DGKG: variants seen among roughly 807,000 people sequenced by gnomAD.
The protein encoded by DGKG is DAG kinase gamma.
A neutral mutation model predicts 105.3 loss-of-function variants in DGKG; 78 were observed. That is an observed-to-expected ratio of 0.74 (90% CI 0.62 to 0.89). The LOEUF is 0.89. DGKG is among the 40% of genes least tolerant of loss of function. The probability of loss-of-function intolerance (pLI) is 0.00; values close to 1 mark genes in which losing one functional copy is unlikely to be tolerated. For missense variants in DGKG, 958 were observed against 1,020.1 expected (o/e 0.94, Z 0.83); for synonymous variants, 346 against 367.1 (o/e 0.94, Z 0.66).
rs551816639 is a variant in DGKG, at chr3:186,313,943, T to C, written c.67+6450A>G. Among the ~76,000 whole-genome samples, 104 of 152,300 alleles carry C rather than the reference T, an allele frequency of 6.8e-4. No individual in the cohort carries two copies. In the Middle Eastern group the frequency reaches 0.01, roughly 15 times the overall value. On this transcript the variant is annotated intron_variant, in intron 2 of 24. Coordinates refer to ENST00000265022, the MANE Select transcript of DGKG (RefSeq NM_001346.3). ...CTGGCCAGCATAAATAGCAAGGTTT[T>C]AGTGACATTTACTTAGAGCCTTCTA...
At chr3:186,312,193 T>C (rs1242975277) in intron 2 of DGKG, among the ~76,000 whole-genome samples, 10 of 134,316 alleles carry the variant, frequency 7.4e-5, no homozygotes, top group South Asian at 2.4e-4. Context: ...ACCATTAAAC[T>C]GTTAAACTCC....
rs111463256 is a variant in DGKG at position 186,255,659 on chromosome 3, C to T, written c.1510+2195G>A. ...GCTGGAAGGGTGCGCAGCAGCTGGACCACCCAGGGCCCTGTAGATTACTTC... is the reference window on the plus strand; with the variant it reads ...GCTGGAAGGGTGCGCAGCAGCTGGATCACCCAGGGCCCTGTAGATTACTTC... On this transcript the variant is annotated intron_variant, in intron 17 of 24. Transcript: ENST00000265022. Among the ~76,000 whole-genome samples, 1,102 of 152,312 alleles carry T rather than the reference C, an allele frequency of 7.2e-3. 10 individuals carry two copies. Among genetic ancestry groups the T allele is most frequent in the African/African-American group, 0.024 (985 of 41,556 alleles).
intron 19 of DGKG, 122 bp from the exon 20 acceptor site, chr3:186,242,690 G>A (rs978465903): frequency 1.8e-5 from 14 of 769,432 alleles, no homozygotes; most frequent in Non-Finnish European, 2.9e-5. Flanking sequence ...TCTATCGCAT[G>A]GTGGGGCTCC....
chr3:186,189,497 TA>T (rs1220838725), intron 21 of DGKG, among the ~76,000 whole-genome samples: 1 of 152,188 alleles, frequency 6.6e-6, no homozygotes, highest in East Asian at 1.9e-4. Flanking sequence ...GCACAGCTAA[TA>T]AATAACAGAG....
chr3:186,278,615 G>T (rs1722693176), intron 9 of DGKG, among the ~76,000 whole-genome samples: 2 of 152,188 alleles, frequency 1.3e-5, no homozygotes, highest in Non-Finnish European at 2.9e-5. Flanking sequence ...GTAGATCCTG[G>T]TTCCTTGATT....
intron 1 of DGKG, among the ~76,000 whole-genome samples, chr3:186,353,334 C>T (rs1443770471): frequency 6.6e-6 from 1 of 152,016 alleles, no homozygotes; most frequent in South Asian, 2.1e-4. Context: ...CCAGCCTGAA[C>T]ATGGTGAAAC....
Position 186,253,199 on chromosome 3 carries a change from G to A in DGKG, c.1511-17C>T, listed in dbSNP as rs1721307614. ...TGGCCTTATCTGCAAGACACACAGA[G>A]GAACAGAGAACCATATGCCATGGGA... On this transcript the variant is annotated splice_polypyrimidine_tract_variant and intron_variant, in intron 17 of 24. Transcript: ENST00000265022. 1 of 1,604,470 alleles carries A rather than the reference G, an allele frequency of 6.2e-7. No individual in the cohort carries two copies. Among genetic ancestry groups the A allele is most frequent in the South Asian group, 1.1e-5 (1 of 90,900 alleles).
chr3:186,177,209 C>T (rs189915389), intron 22 of DGKG, among the ~76,000 whole-genome samples: 76 of 152,252 alleles, frequency 5.0e-4, no homozygotes, highest in African/African-American at 1.7e-3. Flanking sequence ...CTATTGCTCC[C>T]GGCTGAAAAA....
intron 1 of DGKG, among the ~76,000 whole-genome samples, chr3:186,327,396 T>C (rs1481346031): frequency 6.6e-6 from 1 of 150,912 alleles, no homozygotes; most frequent in Admixed American, 6.6e-5. Context: ...TCTTCTTTTT[T>C]TTTTTTTTGA....
intron 10 of DGKG, among the ~76,000 whole-genome samples, chr3:186,274,400 T>C (rs1722478165): frequency 6.6e-6 from 1 of 152,060 alleles, no homozygotes; most frequent in Non-Finnish European, 1.5e-5. Context: ...TTTTATTTTT[T>C]ATTATACATT....
chr3:186,323,693 T>C (rs1381760159), intron 1 of DGKG, among the ~76,000 whole-genome samples: 1 of 151,784 alleles, frequency 6.6e-6, no homozygotes, highest in African/African-American at 2.4e-5. Context: ...TCCCACCACT[T>C]TGGGAGGCCG....
At chr3:186,313,058 C>A (rs1486805896) in intron 2 of DGKG, among the ~76,000 whole-genome samples, 1 of 152,262 alleles carries the variant, frequency 6.6e-6, no homozygotes, top group African/African-American at 2.4e-5. Context: ...ACTTGTCCCA[C>A]ATGTCCTATA....
rs1255220475 is a variant in DGKG, at chr3:186,320,653, T to G, written c.-194A>C. On this transcript the variant is annotated 5_prime_UTR_variant, in exon 2 of 25. Transcript: ENST00000265022. ...GATGAGACAAGATCTCTGCTATTCC[T>G]TAGGCAACATCCTCCTGTCTGTATT... is the stretch of plus-strand genomic sequence containing the variant. The G allele has an allele frequency of 2.6e-6, 2 of 758,566 alleles. No individual in the cohort carries two copies. The highest frequency in any genetic ancestry group is 3.9e-6 in the Non-Finnish European group (2 of 512,052). The allele number at this position is 758,566 out of a possible 1,614,324, so 47.0% of individuals were successfully genotyped here.
At chr3:186,150,938 A>C (rs1715731550) in intron 24 of DGKG, among the ~76,000 whole-genome samples, 1 of 152,184 alleles carries the variant, frequency 6.6e-6, no homozygotes, top group South Asian at 2.1e-4. Flanking sequence ...TGGCCTTGCC[A>C]CCTTAATAAT....
At chr3:186,288,937 C>G (rs1723193221) in intron 5 of DGKG, 57 bp from the exon 6 acceptor site, 1 of 1,467,748 alleles carries the variant, frequency 6.8e-7, no homozygotes, top group Non-Finnish European at 9.1e-7. Flanking sequence ...AAATATTAAC[C>G]CCTCTTTGTT....
chr3:186,353,561 GTA>G (rs1218100064), intron 1 of DGKG, among the ~76,000 whole-genome samples: 4 of 107,946 alleles, frequency 3.7e-5, no homozygotes, highest in African/African-American at 1.9e-4. Flanking sequence ...ATACTTTTAT[GTA>G]TGTATATATA....
chr3:186,238,409 T>C (rs1402039065), intron 20 of DGKG, among the ~76,000 whole-genome samples: 1 of 152,134 alleles, frequency 6.6e-6, no homozygotes, highest in Non-Finnish European at 1.5e-5. Flanking sequence ...TACGACTTCC[T>C]GTATACTATA....
chr3:186,204,314 G>A (rs1718617999), intron 21 of DGKG, among the ~76,000 whole-genome samples: 1 of 152,170 alleles, frequency 6.6e-6, no homozygotes, highest in Admixed American at 6.5e-5. Context: ...GCTGAAGTAG[G>A]AGAGTCACTT....
rs1160903513 is a variant in DGKG, at chr3:186,353,590, TACAC to T, written c.-249+8352_-249+8355del. On this transcript the variant is annotated intron_variant, in intron 1 of 24. Coordinates refer to ENST00000265022, the MANE Select transcript of DGKG (RefSeq NM_001346.3). Reference sequence around the variant, plus strand: ...GTATATATATATATATATATATATATACACACACACACATACACATATATATAGA... The same window carrying T: ...GTATATATATATATATATATATATATACACACACATACACATATATATAGA... 5.1e-3 allele frequency among the ~76,000 whole-genome samples: 557 copies of T among 108,598 alleles called. 12 individuals are homozygous for T. The highest frequency in any genetic ancestry group is 0.023 in the African/African-American group (533 of 23,418). The allele number at this position is 108,598 out of a possible 152,430, so 71.2% of individuals were successfully genotyped here.
Sources: allele counts gnomAD v4.1 joint callset (sites outside exome capture counted in the v4.1 genomes callset), GRCh38; gene constraint gnomAD v4.1.1; transcripts MANE v1.5; gene names NCBI Gene and HGNC (gene_info 2026-07-23, HGNC 2026-07-21).